Variants in DRC7 observed in about 807,000 individuals in gnomAD.
DRC7 encodes coiled-coil domain containing 135.
In DRC7, 80 loss-of-function variants were observed where a neutral mutation model predicts 104.4. That is an observed-to-expected ratio of 0.77 (90% CI 0.64 to 0.92). The LOEUF is 0.92. Among genes scored for constraint, DRC7 ranks in the 40% least tolerant of loss-of-function variants. The pLI, the probability that DRC7 is intolerant of heterozygous loss-of-function variation, is 0.00. For synonymous variants in DRC7, 405 were observed against 447.3 expected (o/e 0.91, Z 1.19); for missense variants, 1,034 against 1,141.1 (o/e 0.91, Z 1.35).
intron 10 of DRC7, 148 bp from the exon 11 acceptor site, chr16:57,722,565 T>A: frequency 1.9e-6 from 2 of 1,076,070 alleles, no homozygotes; most frequent in Non-Finnish European, 2.6e-6. Flanking sequence ...CCCTGGTGAT[T>A]ATTCTCCTCG....
chr16:57,730,736 T>A (rs1427936964), intron 17 of DRC7, among the ~76,000 whole-genome samples, 195 bp from the exon 18 acceptor site: 5 of 152,098 alleles, frequency 3.3e-5, no homozygotes, highest in Non-Finnish European at 5.9e-5. Context: ...CCTATAAACA[T>A]GACCCCACTG....
At chr16:57,722,962 G>C in intron 11 of DRC7, 40 bp from the exon 12 acceptor site, 1 of 1,613,508 alleles carries the variant, frequency 6.2e-7, no homozygotes, top group Admixed American at 1.7e-5. Flanking sequence ...AAGGCTAGGG[G>C]AGCTGGCCTG....
intron 12 of DRC7, among the ~76,000 whole-genome samples, chr16:57,724,343 G>A (rs2965772): frequency 0.61 from 89,886 of 147,610 alleles, 28,531 homozygotes; most frequent in African/African-American, 0.79. Flanking sequence ...ACACTTTTGG[G>A]CCCAGCAATT....
At chr16:57,705,952 A>ATCTG (rs2048717541) in intron 7 of DRC7, among the ~76,000 whole-genome samples, 1 of 122,032 alleles carries the variant, frequency 8.2e-6, no homozygotes, top group African/African-American at 3.2e-5. Context: ...CCATCCTCCC[A>ATCTG]TCCATCCTTC....
intron 8 of DRC7, among the ~76,000 whole-genome samples, chr16:57,708,553 G>A (rs767055803): frequency 6.6e-5 from 10 of 152,152 alleles, no homozygotes; most frequent in Non-Finnish European, 1.2e-4. Flanking sequence ...GAATAATGCC[G>A]CCATGAATAT....
At chr16:57,713,406 A>C (rs2048808548) in intron 8 of DRC7, among the ~76,000 whole-genome samples, 1 of 152,138 alleles carries the variant, frequency 6.6e-6, no homozygotes, top group Admixed American at 6.5e-5. Context: ...ATGTATTTTG[A>C]AGCCCTGCTA....
Position 57,718,435 on chromosome 16 carries a change from A to G in DRC7, c.1166A>G (p.Asp389Gly), listed in dbSNP as rs753462834. 2.5e-6 allele frequency: 4 copies of G among 1,614,114 alleles called. No individual in the cohort carries two copies. Among genetic ancestry groups the G allele is most frequent in the Non-Finnish European group, 2.5e-6 (3 of 1,179,990 alleles). Reference sequence around the variant, plus strand: ...TCTCAGCTGTCCTTGACTGAAGAAGACGACAGTGGGATAAACGATGAGGAT... The same window carrying G: ...TCTCAGCTGTCCTTGACTGAAGAAGGCGACAGTGGGATAAACGATGAGGAT... ...DKSQLSLTEE[D>G]DSGINDEDDV... Residue 389 changes from aspartate (D) to glycine (G), a missense_variant, in exon 9 of 19, where the codon GAC becomes GGC. Physicochemically the swap from Asp to Gly is moderately conservative, Grantham distance 94. Coordinates refer to ENST00000360716, the MANE Select transcript of DRC7 (RefSeq NM_001289162.2).
rs1286699725 is a variant in DRC7, at chr16:57,701,993, G to T, written c.562G>T (p.Asp188Tyr). The T allele has an allele frequency of 6.2e-6, 10 of 1,614,070 alleles. No homozygotes were observed. Among genetic ancestry groups the T allele is most frequent in the Non-Finnish European group, 8.5e-6 (10 of 1,180,056 alleles). ...CAAGTACCAGAAGGGGAACTGCTTT[G>T]ACTTCAGTACGCTGCTCTGCTCCAT... ...VLKYQKGNCF[D>Y]FSTLLCSMLI... The change falls in exon 6 of 19, where the codon GAC becomes TAC. Residue 188 changes from aspartate (D) to tyrosine (Y), a missense_variant. Physicochemically the swap from Asp to Tyr is radical, Grantham distance 160 (BLOSUM62 -3). Coordinates refer to ENST00000360716, the MANE Select transcript of DRC7 (RefSeq NM_001289162.2).
intron 8 of DRC7, among the ~76,000 whole-genome samples, chr16:57,712,143 T>G (rs1334838176): frequency 6.6e-6 from 1 of 152,200 alleles, no homozygotes; most frequent in Non-Finnish European, 1.5e-5. Flanking sequence ...AGCCTTCACC[T>G]AGGAATGAAC....
At chr16:57,712,798 G>T (rs529311752) in intron 8 of DRC7, among the ~76,000 whole-genome samples, 1 of 152,152 alleles carries the variant, frequency 6.6e-6, no homozygotes, top group South Asian at 2.1e-4. Flanking sequence ...CTCCTGAGTA[G>T]CTGAGATTAC....
intron 17 of DRC7, among the ~76,000 whole-genome samples, chr16:57,730,730 T>C (rs2049051832): frequency 6.6e-6 from 1 of 152,100 alleles, no homozygotes; most frequent in African/African-American, 2.4e-5. Flanking sequence ...GACATCCCTA[T>C]AAACATGACC....
chr16:57,722,001 G>A (rs917391937), intron 10 of DRC7, among the ~76,000 whole-genome samples: 5 of 152,136 alleles, frequency 3.3e-5, no homozygotes, highest in African/African-American at 1.2e-4. Context: ...ATGGCGTGTA[G>A]GTGACAGCAA....
chr16:57,697,934 C>T lies in DRC7; in HGVS notation c.-16C>T, dbSNP rs773208680. 2 of 1,609,648 alleles carry T rather than the reference C, an allele frequency of 1.2e-6. No homozygotes were observed. The highest frequency in any genetic ancestry group is 4.5e-5 in the East Asian group (2 of 44,810). ...ACAGAGACATTCCATCTCCAGACAC[C>T]CAGAGACGCTCCAGAATGGAGGTCC... On this transcript the variant is annotated 5_prime_UTR_variant, in exon 3 of 19. Transcript: ENST00000360716.
chr16:57,704,345 C>G (rs981891648), intron 6 of DRC7, among the ~76,000 whole-genome samples: 14 of 151,502 alleles, frequency 9.2e-5, no homozygotes. Context: ...TACTTCTTGC[C>G]ACTTAGCACA....
rs754013304 is a variant in DRC7, at chr16:57,698,982, C to CG, written c.337dup (p.Val113GlyfsTer12). ...AGTACAGCCATCTGTGCCCGGACCG[C>CG]GTGCCCCTCTTCCTGCACCCCCTGA... On this transcript the variant is annotated frameshift_variant, in exon 4 of 19. Transcript: ENST00000360716. LOFTEE classifies it high-confidence loss of function. The CG allele has an allele frequency of 1.2e-6, 2 of 1,614,212 alleles. No individual in the cohort carries two copies. Among genetic ancestry groups the CG allele is most frequent in the Non-Finnish European group, 1.7e-6 (2 of 1,180,024 alleles).
chr16:57,712,728 C>T (rs1393798703), intron 8 of DRC7, among the ~76,000 whole-genome samples: 5 of 151,770 alleles, frequency 3.3e-5, no homozygotes, highest in African/African-American at 9.7e-5. Flanking sequence ...AGTGCAATGG[C>T]GCGATCTTCA....
At chr16:57,704,777 C>T (rs1383125726) in intron 6 of DRC7, 99 bp from the exon 7 acceptor site, 28 of 1,404,558 alleles carry the variant, frequency 2.0e-5, no homozygotes, top group East Asian at 1.2e-4. Context: ...TGCCATCCCC[C>T]GGTCTGAGGG....
At chr16:57,702,154 G>A (rs760954470) in intron 6 of DRC7, 24 bp downstream of exon 6, 17 of 1,610,974 alleles carry the variant, frequency 1.1e-5, no homozygotes, top group Admixed American at 6.7e-5. Context: ...TGAGCTGCCC[G>A]GGTTTCCCAA....
chr16:57,711,660 G>A (rs757265299), intron 8 of DRC7, among the ~76,000 whole-genome samples: 6 of 152,208 alleles, frequency 3.9e-5, no homozygotes, highest in East Asian at 1.9e-4. Flanking sequence ...AGTAATTCAC[G>A]CAGAGCAGGC....
Sources: allele counts gnomAD v4.1 joint callset (sites outside exome capture counted in the v4.1 genomes callset), GRCh38; gene constraint gnomAD v4.1.1; transcripts MANE v1.5; gene names NCBI Gene and HGNC (gene_info 2026-07-23, HGNC 2026-07-21).